The following FHIT variants were observed in gnomAD, a reference collection of about 807,000 sequenced individuals.
FHIT encodes the protein fragile histidine triad diadenosine triphosphatase.
In FHIT, 19 loss-of-function variants were observed where a neutral mutation model predicts 17.9. The observed-to-expected ratio is 1.06, with a 90% CI of 0.74 to 1.56. The LOEUF (loss-of-function observed/expected upper bound fraction) is 1.56, where lower values mean the gene tolerates loss of function less well. Among genes scored for constraint, FHIT ranks in the 40% most tolerant of loss-of-function variants. The pLI is 0.00. For synonymous variants in FHIT, 81 were observed against 69.7 expected (o/e 1.16, Z -0.81); for missense variants, 248 against 189.2 (o/e 1.31, Z -1.82).
chr3:60,942,789 A>G (rs1708475723), intron 3 of FHIT, among the ~76,000 whole-genome samples: 1 of 151,992 alleles, frequency 6.6e-6, no homozygotes, highest in South Asian at 2.1e-4. Flanking sequence ...TGAATCCTTA[A>G]TTCCCTAACA....
intron 4 of FHIT, among the ~76,000 whole-genome samples, chr3:60,753,840 C>G (rs1553717557): frequency 6.6e-6 from 1 of 152,076 alleles, no homozygotes; most frequent in African/African-American, 2.4e-5. Flanking sequence ...CTATCCTTAA[C>G]TCTTCACTAA....
At chr3:59,808,678 T>A (rs938110984) in intron 8 of FHIT, among the ~76,000 whole-genome samples, 6 of 152,186 alleles carry the variant, frequency 3.9e-5, no homozygotes, top group African/African-American at 1.4e-4. Context: ...AGTTGGCCGT[T>A]TGGGCAGCCA....
At chr3:60,725,896 C>G (rs1305213604) in intron 4 of FHIT, among the ~76,000 whole-genome samples, 1 of 152,072 alleles carries the variant, frequency 6.6e-6, no homozygotes, top group African/African-American at 2.4e-5. Context: ...GAATCATTAT[C>G]TTCATTTTAC....
intron 5 of FHIT, among the ~76,000 whole-genome samples, chr3:60,377,271 G>A (rs970325128): frequency 2.1e-4 from 32 of 149,010 alleles, no homozygotes; most frequent in Admixed American, 1.5e-3. Context: ...CGATCTCGGC[G>A]ATGCCTCAGC....
chr3:59,747,856 G>C lies in FHIT; in HGVS notation c.*1729C>G, dbSNP rs1011550159. Among the ~76,000 whole-genome samples, 1 of 152,122 alleles carries C rather than the reference G, an allele frequency of 6.6e-6. No individual in the cohort carries two copies. The highest frequency in any genetic ancestry group is 6.6e-5 in the Admixed American group (1 of 15,266). On this transcript the variant is annotated 3_prime_UTR_variant, in exon 10 of 10. Transcript: ENST00000492590. Reference sequence around the variant, plus strand: ...TAGGGTTGAAGCAAGTCTAAAGCCAGCTTGCTCTGGGTTTAAGATCTGGCC... The same window carrying C: ...TAGGGTTGAAGCAAGTCTAAAGCCACCTTGCTCTGGGTTTAAGATCTGGCC...
chr3:59,759,571 AG>A (rs141987238), intron 8 of FHIT, among the ~76,000 whole-genome samples: 3,884 of 152,304 alleles, frequency 0.026, 59 homozygotes, highest in Non-Finnish European at 0.039. Flanking sequence ...AAAATCACTC[AG>A]TTTTTGCCCA....
intron 8 of FHIT, among the ~76,000 whole-genome samples, chr3:59,900,718 A>G (rs1311593935): frequency 6.6e-6 from 1 of 152,146 alleles, no homozygotes; most frequent in Admixed American, 6.5e-5. Context: ...GGTTGAAGCA[A>G]TTCTCCTACG....
At chr3:59,899,280 GA>G (rs1239558715) in intron 8 of FHIT, among the ~76,000 whole-genome samples, 4 of 152,212 alleles carry the variant, frequency 2.6e-5, no homozygotes, top group African/African-American at 9.6e-5. Context: ...TTCACAAATG[GA>G]AAATGATCTC....
At chr3:60,324,966 A>G (rs1257799793) in intron 5 of FHIT, among the ~76,000 whole-genome samples, 1 of 152,092 alleles carries the variant, frequency 6.6e-6, no homozygotes, top group Non-Finnish European at 1.5e-5. Context: ...GATAATGAGC[A>G]TTCTAGATAT....
intron 4 of FHIT, among the ~76,000 whole-genome samples, chr3:60,586,683 T>A (rs1553662151): frequency 2.0e-5 from 3 of 151,802 alleles, no homozygotes; most frequent in Non-Finnish European, 4.4e-5. Context: ...CAAGATCACG[T>A]CTTTTGCAGA....
intron 2 of FHIT, among the ~76,000 whole-genome samples, chr3:61,168,454 T>C (rs1576140454): frequency 1.3e-5 from 2 of 152,238 alleles, no homozygotes; most frequent in Admixed American, 1.3e-4. Context: ...CTAATGGCAG[T>C]TGCCTGAGGC....
intron 2 of FHIT, among the ~76,000 whole-genome samples, chr3:61,102,963 G>C (rs2035879032): frequency 6.6e-6 from 1 of 151,816 alleles, no homozygotes; most frequent in African/African-American, 2.4e-5. Context: ...TATTAGTCTT[G>C]CTAGTGGTCT....
chr3:60,286,616 C>T (rs1185925910), intron 5 of FHIT, among the ~76,000 whole-genome samples: 3 of 152,112 alleles, frequency 2.0e-5, no homozygotes, highest in African/African-American at 7.2e-5. Flanking sequence ...GAATTTTCCT[C>T]CTAACAAGGA....
chr3:60,374,513 G>A (rs1272440483), intron 5 of FHIT, among the ~76,000 whole-genome samples: 1 of 151,022 alleles, frequency 6.6e-6, no homozygotes, highest in East Asian at 1.9e-4. Flanking sequence ...AACAAACTTT[G>A]GAGACTAAAG....
At chr3:60,905,932 G>C (rs574460275) in intron 3 of FHIT, among the ~76,000 whole-genome samples, 1 of 152,068 alleles carries the variant, frequency 6.6e-6, no homozygotes, top group South Asian at 2.1e-4. Context: ...GGTAAGTTTT[G>C]ACTTGAACCA....
chr3:60,835,336 C>T lies in FHIT; in HGVS notation c.-110-13325G>A, dbSNP rs111310672. 4.9e-4 allele frequency among the ~76,000 whole-genome samples: 75 copies of T among 152,250 alleles called. 1 individual carries two copies. Among genetic ancestry groups the T allele is most frequent in the Middle Eastern group, 3.4e-3 (1 of 294 alleles). On this transcript the variant is annotated intron_variant, in intron 3 of 9. Coordinates refer to ENST00000492590, the MANE Select transcript of FHIT (RefSeq NM_002012.4). ...GGGAAGTATCGGTATCTTTACTACG[C>T]TGTGACTTTCAAATCATGAACACAA...
At chr3:59,924,883 A>C (rs990800711) in intron 7 of FHIT, among the ~76,000 whole-genome samples, 9 of 152,140 alleles carry the variant, frequency 5.9e-5, no homozygotes, top group Non-Finnish European at 1.2e-4. Flanking sequence ...CTAATGCCAC[A>C]CTTTGAGAAC....
intron 2 of FHIT, among the ~76,000 whole-genome samples, chr3:61,101,988 T>C (rs1294397081): frequency 2.6e-5 from 4 of 152,198 alleles, no homozygotes; most frequent in Non-Finnish European, 2.9e-5. Context: ...CATACAATCA[T>C]GTCATCTGCA....
intron 2 of FHIT, among the ~76,000 whole-genome samples, chr3:61,056,056 T>C (rs1220544486): frequency 1.3e-5 from 2 of 152,220 alleles, no homozygotes. Flanking sequence ...TGTTAGAAAA[T>C]ACTAAGTCTT....
Sources: gnomAD v4.1 joint callset for allele counts (sites outside exome capture counted in the v4.1 genomes callset) on GRCh38, gnomAD v4.1.1 for gene constraint, MANE v1.5 for transcripts, NCBI Gene and HGNC (gene_info 2026-07-23, HGNC 2026-07-21) for gene names.